Variants in TRAPPC9 observed in about 807,000 individuals in gnomAD.
TRAPPC9 encodes the protein IKK2 binding protein.
A neutral mutation model predicts 124.0 loss-of-function variants in TRAPPC9; 83 were observed. The ratio of observed to expected loss-of-function variants is 0.67; its 90% CI spans 0.56 to 0.80. TRAPPC9 has a LOEUF of 0.80. Among genes scored for constraint, TRAPPC9 ranks in the 30% least tolerant of loss-of-function variants. The pLI, the probability that TRAPPC9 is intolerant of heterozygous loss-of-function variation, is 0.00. For synonymous variants in TRAPPC9, 638 were observed against 617.5 expected (o/e 1.03, Z -0.49); for missense variants, 1,302 against 1,508.3 (o/e 0.86, Z 2.27).
chr8:139,830,588 G>A (rs1195781438), intron 21 of TRAPPC9, among the ~76,000 whole-genome samples: 1 of 148,978 alleles, frequency 6.7e-6, no homozygotes, highest in African/African-American at 2.5e-5. Context: ...ACATACACAT[G>A]CACACACCAC....
chr8:139,871,078 G>A (rs1308744692), intron 21 of TRAPPC9, among the ~76,000 whole-genome samples: 1 of 152,204 alleles, frequency 6.6e-6, no homozygotes, highest in Non-Finnish European at 1.5e-5. Context: ...TTATGTATCT[G>A]ATGAGGTTGT....
chr8:139,869,118 A>C (rs1466166086), intron 21 of TRAPPC9, among the ~76,000 whole-genome samples: 1 of 152,262 alleles, frequency 6.6e-6, no homozygotes, highest in African/African-American at 2.4e-5. Context: ...ACAGCAATGC[A>C]TATAAATGGC....
chr8:139,741,470 G>A (rs908109224), intron 21 of TRAPPC9, among the ~76,000 whole-genome samples: 3 of 152,066 alleles, frequency 2.0e-5, no homozygotes, highest in Non-Finnish European at 2.9e-5. Context: ...CTCTGGACTT[G>A]GTCTGGTTTT....
At chr8:140,086,921 G>A (rs1040731484) in intron 17 of TRAPPC9, among the ~76,000 whole-genome samples, 1 of 150,898 alleles carries the variant, frequency 6.6e-6, no homozygotes, top group Non-Finnish European at 1.5e-5. Context: ...AACAGAGTGA[G>A]ACTGTCTCAA....
intron 6 of TRAPPC9, 54 bp from the exon 7 acceptor site, chr8:140,397,799 C>A: frequency 6.2e-7 from 1 of 1,608,964 alleles, no homozygotes; most frequent in South Asian, 1.1e-5. Context: ...ATGTTTCTGT[C>A]ACATTCTAAA....
intron 18 of TRAPPC9, among the ~76,000 whole-genome samples, chr8:140,017,936 T>G (rs903974121): frequency 1.3e-5 from 2 of 152,096 alleles, no homozygotes; most frequent in African/African-American, 4.8e-5. Flanking sequence ...TTCCACCTCC[T>G]GGGTTCAGGT....
intron 14 of TRAPPC9, among the ~76,000 whole-genome samples, chr8:140,281,822 C>T (rs2131697099): frequency 6.6e-6 from 1 of 152,350 alleles, no homozygotes; most frequent in Non-Finnish European, 1.5e-5. Context: ...ACCTCTCCTT[C>T]CTCTGTTGAA....
intron 17 of TRAPPC9, among the ~76,000 whole-genome samples, chr8:140,166,067 T>G (rs1465853683): frequency 6.6e-6 from 1 of 152,208 alleles, no homozygotes; most frequent in African/African-American, 2.4e-5. Flanking sequence ...TCTGCATATG[T>G]GCACCTACGA....
chr8:140,325,002 C>T (rs2066700056), intron 9 of TRAPPC9, among the ~76,000 whole-genome samples: 1 of 151,908 alleles, frequency 6.6e-6, no homozygotes, highest in Non-Finnish European at 1.5e-5. Flanking sequence ...TGAAATCACA[C>T]AGAATATGTT....
At chr8:139,774,110 G>A (rs911688895) in intron 21 of TRAPPC9, among the ~76,000 whole-genome samples, 22 of 152,182 alleles carry the variant, frequency 1.4e-4, no homozygotes, top group East Asian at 1.4e-3. Context: ...ACATGGACGC[G>A]GGCGAAGGCC....
rs181481317 is a variant in TRAPPC9, at chr8:140,413,395, T to A, written c.887-7697A>T. The stretch of plus-strand genomic sequence containing the variant: ...AAAAGCGAGACTGTCTCAAAAAAAA[T>A]AATAATAAATAAATAAATAGTCATC... On this transcript the variant is annotated intron_variant, in intron 5 of 22. Coordinates refer to ENST00000438773, the MANE Select transcript of TRAPPC9 (RefSeq NM_001160372.4). Among the ~76,000 whole-genome samples, 202 of 150,944 alleles carry A rather than the reference T, an allele frequency of 1.3e-3. 3 individuals are homozygous for A. The highest frequency in any genetic ancestry group is 4.5e-3 in the African/African-American group (183 of 41,090).
chr8:140,223,265 G>A (rs574878869), intron 16 of TRAPPC9, among the ~76,000 whole-genome samples: 1 of 152,264 alleles, frequency 6.6e-6, no homozygotes, highest in East Asian at 1.9e-4. Flanking sequence ...GACAGAACAT[G>A]CGGTGTTTGG....
At chr8:139,822,130 A>G (rs1025978467) in intron 21 of TRAPPC9, among the ~76,000 whole-genome samples, 13 of 152,136 alleles carry the variant, frequency 8.5e-5, no homozygotes, top group African/African-American at 3.1e-4. Context: ...TTAAAAACCC[A>G]TTACCTGGCG....
At chr8:140,028,969 C>T (rs969426479) in intron 17 of TRAPPC9, among the ~76,000 whole-genome samples, 1 of 152,152 alleles carries the variant, frequency 6.6e-6, no homozygotes, top group Non-Finnish European at 1.5e-5. Context: ...ATAAATGTGA[C>T]AATCCTCTAA....
intron 21 of TRAPPC9, among the ~76,000 whole-genome samples, chr8:139,796,996 AT>A (rs1435100255): frequency 2.0e-5 from 3 of 152,356 alleles, no homozygotes; most frequent in South Asian, 4.1e-4. Context: ...CAAATGACTA[AT>A]GAATAATGCT....
At chr8:139,879,491 C>G (rs1484174394) in intron 21 of TRAPPC9, among the ~76,000 whole-genome samples, 1 of 152,230 alleles carries the variant, frequency 6.6e-6, no homozygotes, top group East Asian at 1.9e-4. Flanking sequence ...CTGTCCCTGC[C>G]CAGATGGTAA....
chr8:140,372,333 C>T (rs2068305725), intron 7 of TRAPPC9, among the ~76,000 whole-genome samples: 1 of 152,236 alleles, frequency 6.6e-6, no homozygotes, highest in Non-Finnish European at 1.5e-5. Flanking sequence ...AGAGCCTTAG[C>T]TTGAACGCCC....
At chr8:139,782,206 C>G (rs933742772) in intron 21 of TRAPPC9, among the ~76,000 whole-genome samples, 1 of 152,004 alleles carries the variant, frequency 6.6e-6, no homozygotes, top group South Asian at 2.1e-4. Context: ...ATGGTGAAAC[C>G]CTGACTCTAC....
At position 140,182,634 on chromosome 8, in the gene TRAPPC9, T is replaced by C. The variant is rs2062229365; in HGVS notation, c.2556+38825A>G. ...CTTGCTCAGAGTCTTTCCATTTCAT[T>C]CTCCAATAAAGAATATTAGGAGCTG... On this transcript the variant is annotated intron_variant, in intron 17 of 22. Transcript: ENST00000438773. The surrounding 1 kb of genome is among the most constrained non-coding windows in gnomAD (Gnocchi z 4.0). Among the ~76,000 whole-genome samples the C allele has an allele frequency of 6.6e-6, 1 of 152,150 alleles. No individual in the cohort carries two copies. Among genetic ancestry groups the C allele is most frequent in the African/African-American group, 2.4e-5 (1 of 41,428 alleles).
Sources: allele counts gnomAD v4.1 joint callset (sites outside exome capture counted in the v4.1 genomes callset), GRCh38; gene constraint gnomAD v4.1.1; non-coding constraint Gnocchi (gnomAD v3.1); transcripts MANE v1.5; gene names NCBI Gene and HGNC (gene_info 2026-07-23, HGNC 2026-07-21).